The following HERC3 variants were observed in gnomAD, a reference collection of about 807,000 sequenced individuals.
HERC3 encodes the protein probable E3 ubiquitin-protein ligase HERC3.
A neutral mutation model predicts 129.9 loss-of-function variants in HERC3; 58 were observed. That is an observed-to-expected ratio of 0.45 (90% CI 0.36 to 0.56). HERC3 has a LOEUF of 0.56. Among genes scored for constraint, HERC3 ranks in the 20% least tolerant of loss-of-function variants. The probability of loss-of-function intolerance (pLI) is 0.00; values close to 1 mark genes in which losing one functional copy is unlikely to be tolerated. For missense variants in HERC3, 835 were observed against 1,244.2 expected (o/e 0.67, Z 4.95); for synonymous variants, 430 against 451.0 (o/e 0.95, Z 0.59).
chr4:88,655,125 T>C (rs1729742052), intron 7 of HERC3, 49 bp from the exon 8 acceptor site: 4 of 1,606,096 alleles, frequency 2.5e-6, no homozygotes, highest in Non-Finnish European at 3.4e-6. Context: ...GGTTTAGAGG[T>C]ATACCCTTAA....
At chr4:88,634,615 A>C (rs1376782785) in intron 3 of HERC3, among the ~76,000 whole-genome samples, 2 of 142,992 alleles carry the variant, frequency 1.4e-5, no homozygotes, top group East Asian at 4.6e-4. Flanking sequence ...CCAGCACAGC[A>C]CACCCCCTCC....
At chr4:88,681,627 C>T (rs1007086374) in intron 21 of HERC3, among the ~76,000 whole-genome samples, 3 of 152,180 alleles carry the variant, frequency 2.0e-5, no homozygotes, top group African/African-American at 7.2e-5. Flanking sequence ...GAAAAGTTGA[C>T]CTTCCATATC....
chr4:88,666,522 A>G (rs1384431720), intron 12 of HERC3, among the ~76,000 whole-genome samples: 1 of 152,218 alleles, frequency 6.6e-6, no homozygotes, highest in Admixed American at 6.5e-5. Flanking sequence ...GTTCCGATAC[A>G]TATAATTATG....
At chr4:88,673,522 T>C (rs1400348091) in intron 16 of HERC3, among the ~76,000 whole-genome samples, 2 of 152,212 alleles carry the variant, frequency 1.3e-5, no homozygotes, top group South Asian at 2.1e-4. Flanking sequence ...TATGGTCCAC[T>C]AGTACTTTAC....
chr4:88,686,871 A>G, intron 22 of HERC3, 69 bp downstream of exon 22: 2 of 1,110,158 alleles, frequency 1.8e-6, no homozygotes, highest in South Asian at 1.3e-5. Flanking sequence ...GATATTTAAC[A>G]TTAGTTCTTC....
At chr4:88,668,968 A>AAAC (rs1168917473) in intron 14 of HERC3, among the ~76,000 whole-genome samples, 1 of 152,210 alleles carries the variant, frequency 6.6e-6, no homozygotes, top group Non-Finnish European at 1.5e-5. Flanking sequence ...AGTTGATGTG[A>AAAC]AACAGAGAGG....
At chr4:88,604,811 A>G (rs1256648567) in intron 2 of HERC3, among the ~76,000 whole-genome samples, 2 of 152,164 alleles carry the variant, frequency 1.3e-5, no homozygotes, top group South Asian at 2.1e-4. Flanking sequence ...TGGTATCTCT[A>G]TGTTTAGTCT....
intron 3 of HERC3, among the ~76,000 whole-genome samples, chr4:88,613,734 A>G (rs1724605865): frequency 6.6e-6 from 1 of 152,222 alleles, no homozygotes; most frequent in Admixed American, 6.5e-5. Flanking sequence ...AAGTGTTCAG[A>G]TCTCAACATT....
At chr4:88,698,720 C>T (rs888843413) in intron 23 of HERC3, among the ~76,000 whole-genome samples, 28 of 151,774 alleles carry the variant, frequency 1.8e-4, no homozygotes, top group Non-Finnish European at 2.9e-5. Context: ...TATCTGTTTT[C>T]ACACCTTTCC....
chr4:88,571,512 C>T, the HERC3 span, among the ~76,000 whole-genome samples: 1 of 151,942 alleles, frequency 6.6e-6, no homozygotes, highest in South Asian at 2.1e-4. Flanking sequence ...TTCTTTTTTC[C>T]CCCAGATCCT....
intron 3 of HERC3, among the ~76,000 whole-genome samples, chr4:88,611,928 C>A (rs1724373129): frequency 6.6e-6 from 1 of 152,182 alleles, no homozygotes; most frequent in Non-Finnish European, 1.5e-5. Context: ...ATAATCTGAC[C>A]TTCCTGAGGG....
intron 2 of HERC3, among the ~76,000 whole-genome samples, chr4:88,603,938 G>A (rs1393033526): frequency 6.6e-6 from 1 of 152,052 alleles, no homozygotes; most frequent in Admixed American, 6.5e-5. Flanking sequence ...ACCTGCAGAG[G>A]CAGTAGACAT....
At chr4:88,701,803 A>ATTT (rs34857474) in intron 23 of HERC3, among the ~76,000 whole-genome samples, 3 of 140,328 alleles carry the variant, frequency 2.1e-5, no homozygotes, top group South Asian at 2.3e-4. Context: ...GTTAAAACAG[A>ATTT]TTTTTTTTTT....
intron 11 of HERC3, among the ~76,000 whole-genome samples, chr4:88,663,019 G>A (rs951390327): frequency 2.8e-4 from 43 of 151,088 alleles, no homozygotes; most frequent in African/African-American, 1.0e-3. Context: ...AAAAACAACA[G>A]TAAGTAGGAT....
At chr4:88,630,274 C>T (rs188232967) in intron 3 of HERC3, among the ~76,000 whole-genome samples, 7 of 152,266 alleles carry the variant, frequency 4.6e-5, no homozygotes, top group Non-Finnish European at 5.9e-5. Flanking sequence ...GTGAGCTTCC[C>T]TAGTGATTTA....
At chr4:88,697,583 G>A (rs889626394) in intron 23 of HERC3, 6 of 1,613,688 alleles carry the variant, frequency 3.7e-6, no homozygotes, top group African/African-American at 1.3e-5. Context: ...TTCTCTGCAG[G>A]GGTCTGGGGC....
At chr4:88,632,968 A>T (rs1363301375) in intron 3 of HERC3, among the ~76,000 whole-genome samples, 1 of 152,226 alleles carries the variant, frequency 6.6e-6, no homozygotes, top group Non-Finnish European at 1.5e-5. Context: ...AATTAAGGCA[A>T]AGAAAATACT....
intron 23 of HERC3, chr4:88,697,656 C>T (rs546717344): frequency 3.3e-5 from 54 of 1,613,420 alleles, no homozygotes; most frequent in Middle Eastern, 1.6e-4. Context: ...AGTCTCCACC[C>T]TGCGCACCGC....
chr4:88,580,564 A>T, the HERC3 span, among the ~76,000 whole-genome samples: 1 of 152,180 alleles, frequency 6.6e-6, no homozygotes, highest in Non-Finnish European at 1.5e-5. Context: ...TCTGGGGGAA[A>T]GATGAATTCA....
Sources: allele counts gnomAD v4.1 joint callset (sites outside exome capture counted in the v4.1 genomes callset), GRCh38; gene constraint gnomAD v4.1.1; transcripts MANE v1.5; gene names NCBI Gene and HGNC (gene_info 2026-07-23, HGNC 2026-07-21).